Variants in MACROD2 observed in about 807,000 individuals in gnomAD.
The protein encoded by MACROD2 is ADP-ribose glycohydrolase MACROD2.
A neutral mutation model predicts 70.4 loss-of-function variants in MACROD2; 36 were observed. That is an observed-to-expected ratio of 0.51 (90% confidence interval 0.39 to 0.68). MACROD2 has a LOEUF of 0.68. Ranked by LOEUF, MACROD2 falls within the 30% of genes least tolerant of loss-of-function variation. The pLI is 0.00. For synonymous variants in MACROD2, 172 were observed against 178.8 expected (o/e 0.96, Z 0.30); for missense variants, 496 against 538.4 (o/e 0.92, Z 0.78).
intron 5 of MACROD2, among the ~76,000 whole-genome samples, chr20:15,124,760 C>G (rs891289984): frequency 1.3e-5 from 2 of 151,896 alleles, no homozygotes; most frequent in African/African-American, 4.8e-5. Flanking sequence ...TCCCCCATCT[C>G]ATTTCTTTGC....
chr20:14,664,468 T>C (rs1196132582), intron 4 of MACROD2, among the ~76,000 whole-genome samples: 1 of 152,136 alleles, frequency 6.6e-6, no homozygotes, highest in Non-Finnish European at 1.5e-5. Flanking sequence ...CTTTCTTTTT[T>C]TTAGGCATGT....
At chr20:15,629,284 A>G (rs868753860) in intron 8 of MACROD2, among the ~76,000 whole-genome samples, 1 of 152,206 alleles carries the variant, frequency 6.6e-6, no homozygotes, top group Middle Eastern at 3.2e-3. Context: ...TGTTAATTTT[A>G]GCCATTTTAG....
intron 3 of MACROD2, among the ~76,000 whole-genome samples, chr20:14,089,683 C>A (rs933977607): frequency 6.6e-6 from 1 of 152,052 alleles, no homozygotes; most frequent in African/African-American, 2.4e-5. Context: ...GTACACAGGG[C>A]AGTAGCACAA....
chr20:14,886,101 A>G (rs1047844451), intron 5 of MACROD2, among the ~76,000 whole-genome samples: 7 of 152,206 alleles, frequency 4.6e-5, no homozygotes, highest in African/African-American at 1.4e-4. Context: ...AGGATGGGCA[A>G]TATAAAATGT....
At chr20:15,189,108 A>T (rs1199765519) in intron 5 of MACROD2, among the ~76,000 whole-genome samples, 1 of 152,142 alleles carries the variant, frequency 6.6e-6, no homozygotes, top group East Asian at 1.9e-4. Context: ...TTCTGAGTGA[A>T]GGGATTGAGA....
intron 5 of MACROD2, among the ~76,000 whole-genome samples, chr20:14,860,842 A>G (rs1357255160): frequency 6.6e-6 from 1 of 152,080 alleles, no homozygotes; most frequent in Non-Finnish European, 1.5e-5. Context: ...CCACTCTCCA[A>G]AATAAATTCA....
intron 8 of MACROD2, among the ~76,000 whole-genome samples, chr20:15,785,829 T>C (rs1446716319): frequency 6.6e-6 from 1 of 151,988 alleles, no homozygotes. Context: ...CAATAATACT[T>C]TTGGACCAGT....
intron 9 of MACROD2, among the ~76,000 whole-genome samples, chr20:15,885,251 G>T (rs533491514): frequency 6.6e-6 from 1 of 152,214 alleles, no homozygotes; most frequent in East Asian, 1.9e-4. Context: ...CAATTGGTGG[G>T]ACACTTGAAA....
intron 6 of MACROD2, among the ~76,000 whole-genome samples, chr20:15,301,637 G>T (rs549066780): frequency 3.8e-4 from 43 of 113,094 alleles, no homozygotes; most frequent in Non-Finnish European, 6.2e-4. Context: ...GTATTGAAGT[G>T]CCCAGGCTGT....
chr20:14,058,123 G>C (rs1193400511), intron 2 of MACROD2, among the ~76,000 whole-genome samples: 1 of 152,008 alleles, frequency 6.6e-6, no homozygotes, highest in Non-Finnish European at 1.5e-5. Context: ...TCTTGACTTG[G>C]GTGGTGGTTA....
intron 8 of MACROD2, among the ~76,000 whole-genome samples, chr20:15,608,755 G>A (rs562865887): frequency 2.8e-3 from 421 of 152,230 alleles, no homozygotes; most frequent in African/African-American, 9.7e-3. Context: ...TGCTGTCTTA[G>A]GCTTTTTGAA....
At chr20:14,020,704 G>GT (rs1254312864) in intron 2 of MACROD2, among the ~76,000 whole-genome samples, 1 of 152,056 alleles carries the variant, frequency 6.6e-6, no homozygotes, top group Non-Finnish European at 1.5e-5. Flanking sequence ...TAGTCCATTT[G>GT]TCCTGAGACT....
At chr20:15,963,279 T>G (rs2066090387) in intron 12 of MACROD2, among the ~76,000 whole-genome samples, 1 of 152,176 alleles carries the variant, frequency 6.6e-6, no homozygotes, top group African/African-American at 2.4e-5. Flanking sequence ...ATAGCAGTTT[T>G]TTTTTGGTTC....
chr20:15,219,168 G>A (rs2145961859), intron 5 of MACROD2, among the ~76,000 whole-genome samples: 1 of 152,352 alleles, frequency 6.6e-6, no homozygotes, highest in Admixed American at 6.5e-5. Context: ...TCAAACTTGA[G>A]GACAGATAAA....
At chr20:14,372,266 A>G (rs1357681299) in intron 3 of MACROD2, among the ~76,000 whole-genome samples, 1 of 152,184 alleles carries the variant, frequency 6.6e-6, no homozygotes, top group Non-Finnish European at 1.5e-5. Flanking sequence ...TATGTATGCA[A>G]AATAAGTCTT....
At chr20:15,040,329 A>T (rs2075346202) in intron 5 of MACROD2, among the ~76,000 whole-genome samples, 1 of 151,520 alleles carries the variant, frequency 6.6e-6, no homozygotes, top group Non-Finnish European at 1.5e-5. Context: ...AAAAAAAAAA[A>T]AAAGTACCTT....
chr20:15,114,947 G>A (rs2075981601), intron 5 of MACROD2, among the ~76,000 whole-genome samples: 1 of 152,122 alleles, frequency 6.6e-6, no homozygotes, highest in Non-Finnish European at 1.5e-5. Context: ...GAGGCTGTAT[G>A]TGTTTGGAGC....
intron 5 of MACROD2, among the ~76,000 whole-genome samples, chr20:14,711,282 G>A (rs924379390): frequency 6.6e-6 from 1 of 152,088 alleles, no homozygotes; most frequent in African/African-American, 2.4e-5. Flanking sequence ...GTCAATTTCA[G>A]CTTTTTCATA....
At chr20:15,956,169 A>G (rs1488334723) in intron 12 of MACROD2, among the ~76,000 whole-genome samples, 1 of 152,154 alleles carries the variant, frequency 6.6e-6, no homozygotes, top group Non-Finnish European at 1.5e-5. Flanking sequence ...TAGATTGATG[A>G]GAATGTGTTG....
Sources: allele counts gnomAD v4.1 joint callset (sites outside exome capture counted in the v4.1 genomes callset), GRCh38; gene constraint gnomAD v4.1.1; transcripts MANE v1.5; gene names NCBI Gene and HGNC (gene_info 2026-07-23, HGNC 2026-07-21).